Variants in HECTD2 observed in about 807,000 individuals in gnomAD.
The protein encoded by HECTD2 is HECT domain E3 ubiquitin protein ligase 2.
Under a neutral mutation model 103.2 loss-of-function variants are expected in HECTD2, and 35 were observed. That is an observed-to-expected ratio of 0.34 (90% CI 0.26 to 0.45). The LOEUF (loss-of-function observed/expected upper bound fraction) is 0.45, where lower values mean the gene tolerates loss of function less well. Ranked by LOEUF, HECTD2 falls within the 20% of genes least tolerant of loss-of-function variation. HECTD2 has a pLI of 1.00. For missense variants in HECTD2, 596 were observed against 937.4 expected (o/e 0.64, Z 4.76); for synonymous variants, 281 against 329.9 (o/e 0.85, Z 1.61).
chr10:91,428,486 A>G (rs932319155), intron 2 of HECTD2, among the ~76,000 whole-genome samples: 8 of 152,096 alleles, frequency 5.3e-5, no homozygotes, highest in Non-Finnish European at 8.8e-5. Context: ...CATTTTCACA[A>G]TATTGATTCT....
chr10:91,490,918 A>AG, intron 11 of HECTD2, among the ~76,000 whole-genome samples: 1 of 150,464 alleles, frequency 6.6e-6, no homozygotes, highest in Admixed American at 6.6e-5. Flanking sequence ...AAAAAAAAAA[A>AG]AGAGATGAGA....
At chr10:91,437,287 T>C (rs919810819) in intron 2 of HECTD2, among the ~76,000 whole-genome samples, 2 of 152,034 alleles carry the variant, frequency 1.3e-5, no homozygotes, top group Admixed American at 6.6e-5. Flanking sequence ...CCATGCCTGA[T>C]GATTGATGCT....
chr10:91,410,607 C>A (rs769547623), intron 1 of HECTD2, 31 bp downstream of exon 1: 1 of 1,183,238 alleles, frequency 8.5e-7, no homozygotes, highest in South Asian at 2.1e-5. Context: ...GTCTGGCGCC[C>A]CGGACGGCGG....
chr10:91,498,241 A>C, intron 16 of HECTD2, 59 bp downstream of exon 16: 1 of 1,144,724 alleles, frequency 8.7e-7, no homozygotes, highest in Non-Finnish European at 1.3e-6. Flanking sequence ...GAACAGTGCA[A>C]TTTGTTATTA....
chr10:91,455,134 G>T lies in HECTD2; in HGVS notation c.269-5293G>T, dbSNP rs147301911. 3.7e-3 allele frequency among the ~76,000 whole-genome samples: 566 copies of T among 152,290 alleles called. 3 individuals carry two copies. The highest frequency in any genetic ancestry group is 0.013 in the African/African-American group (529 of 41,568). On this transcript the variant is annotated intron_variant, in intron 2 of 20. Coordinates refer to ENST00000298068, the MANE Select transcript of HECTD2 (RefSeq NM_182765.6). ...GGTATTTCTAGTTCGAGATCCTTGA[G>T]GAATCGCCACACTGTCTTCCACAAT...
At chr10:91,510,750 C>T (rs1261427497) in intron 20 of HECTD2, among the ~76,000 whole-genome samples, 5 of 151,974 alleles carry the variant, frequency 3.3e-5, no homozygotes, top group African/African-American at 4.8e-5. Flanking sequence ...TTTTTCTTTG[C>T]TTTGTTATTT....
At chr10:91,507,783 T>A in intron 20 of HECTD2, among the ~76,000 whole-genome samples, 1 of 127,654 alleles carries the variant, frequency 7.8e-6, no homozygotes. Context: ...TTAAAGTTCA[T>A]ATGGAACCAA....
intron 20 of HECTD2, 110 bp from the exon 21 acceptor site, chr10:91,512,154 C>T (rs1847447782): frequency 8.4e-7 from 1 of 1,183,838 alleles, no homozygotes; most frequent in Non-Finnish European, 1.2e-6. Flanking sequence ...CATCTCTTAA[C>T]AGAGTGAAAT....
intron 2 of HECTD2, among the ~76,000 whole-genome samples, chr10:91,438,980 C>T (rs940164153): frequency 3.3e-5 from 5 of 152,080 alleles, no homozygotes; most frequent in Non-Finnish European, 7.3e-5. Context: ...GATATTAGCC[C>T]TTTGTCAGAT....
At chr10:91,443,692 TC>T (rs1366867367) in intron 2 of HECTD2, among the ~76,000 whole-genome samples, 1 of 152,056 alleles carries the variant, frequency 6.6e-6, no homozygotes, top group Non-Finnish European at 1.5e-5. Flanking sequence ...AGTCGCCCCT[TC>T]CCCCAGGAAG....
At chr10:91,418,402 G>A (rs1007285813) in intron 1 of HECTD2, among the ~76,000 whole-genome samples, 6 of 152,058 alleles carry the variant, frequency 3.9e-5, no homozygotes, top group African/African-American at 1.4e-4. Context: ...TGTTTGTAGG[G>A]CTAATTTTCA....
intron 2 of HECTD2, among the ~76,000 whole-genome samples, chr10:91,438,503 C>A (rs1844235231): frequency 6.6e-6 from 1 of 151,798 alleles, no homozygotes; most frequent in Non-Finnish European, 1.5e-5. Flanking sequence ...TGGGTTGGTT[C>A]CCAGTCTTTG....
rs1466995925 is a variant in HECTD2, at chr10:91,471,305, T to C, written c.601-6896T>C. ...GTTAAAAACCCTCCACAACTAGGCATTGAAGGAACATGCCTCAAAATAATA... is the reference window on the plus strand; with the variant it reads ...GTTAAAAACCCTCCACAACTAGGCACTGAAGGAACATGCCTCAAAATAATA... On this transcript the variant is annotated intron_variant, in intron 5 of 20. Coordinates refer to ENST00000298068, the MANE Select transcript of HECTD2 (RefSeq NM_182765.6). Among the ~76,000 whole-genome samples, 5 of 152,184 alleles carry C rather than the reference T, an allele frequency of 3.3e-5. No individual in the cohort carries two copies. The East Asian group carries it at 9.6e-4, about 29-fold the overall frequency.
At chr10:91,479,134 G>A (rs894920642) in intron 6 of HECTD2, among the ~76,000 whole-genome samples, 6 of 152,114 alleles carry the variant, frequency 3.9e-5, no homozygotes, top group South Asian at 2.1e-4. Context: ...AGAGTCGTTC[G>A]AATCCTGGAG....
chr10:91,455,288 T>C (rs1385113907), intron 2 of HECTD2, among the ~76,000 whole-genome samples: 4 of 152,188 alleles, frequency 2.6e-5, no homozygotes, highest in African/African-American at 7.2e-5. Context: ...TGGTATCTCA[T>C]TGTGGTTTTG....
chr10:91,437,061 C>T (rs996192906), intron 2 of HECTD2, among the ~76,000 whole-genome samples: 12 of 152,104 alleles, frequency 7.9e-5, no homozygotes, highest in East Asian at 3.9e-4. Flanking sequence ...TGAGAGATTA[C>T]GTGATTTCTG....
intron 7 of HECTD2, among the ~76,000 whole-genome samples, chr10:91,482,014 A>G (rs1281051312): frequency 6.6e-6 from 1 of 151,786 alleles, no homozygotes; most frequent in Non-Finnish European, 1.5e-5. Context: ...GAGGGAAAAT[A>G]GAGAAGTAAG....
At position 91,419,562 on chromosome 10, in the gene HECTD2, G is replaced by T. The variant is rs74149207; in HGVS notation, c.139-5719G>T. Among the ~76,000 whole-genome samples the T allele has an allele frequency of 6.0e-3, 910 of 152,164 alleles. 4 individuals carry two copies. The highest frequency in any genetic ancestry group is 0.021 in the African/African-American group (875 of 41,526). Reference sequence around the variant, plus strand: ...TTTGGTTAGTTATTGTAATTACTACGTTTTTCTGCTGTTTGCAACGTTTAT... The same window carrying T: ...TTTGGTTAGTTATTGTAATTACTACTTTTTTCTGCTGTTTGCAACGTTTAT... On this transcript the variant is annotated intron_variant, in intron 1 of 20. Transcript: ENST00000298068.
At chr10:91,506,335 G>T (rs1475534212) in intron 20 of HECTD2, among the ~76,000 whole-genome samples, 1 of 151,602 alleles carries the variant, frequency 6.6e-6, no homozygotes, top group East Asian at 1.9e-4. Flanking sequence ...GAATCCAGGA[G>T]CTGGTTTTTT....
Sources: gnomAD v4.1 joint callset for allele counts (sites outside exome capture counted in the v4.1 genomes callset) on GRCh38, gnomAD v4.1.1 for gene constraint, MANE v1.5 for transcripts, NCBI Gene and HGNC (gene_info 2026-07-23, HGNC 2026-07-21) for gene names.